Variants in SLC15A5 observed in about 807,000 individuals in gnomAD.
SLC15A5 encodes solute carrier family 15 member 5, also known as Peptide/histidine transporter ENSP00000340402.
SLC15A5 carries 58 observed loss-of-function variants against 56.1 expected under a neutral mutation model. That is an observed-to-expected ratio of 1.03 (90% confidence interval 0.84 to 1.29). The LOEUF is 1.29. SLC15A5 is among the 50% of genes most tolerant of loss of function. SLC15A5 has a pLI of 0.00. For missense variants in SLC15A5, 681 were observed against 672.1 expected, an observed-to-expected ratio of 1.01 and a Z score of -0.15; for synonymous variants, 264 against 250.5, an observed-to-expected ratio of 1.05 and a Z score of -0.51.
At chr12:16,261,608 G>A (rs1420933168) in intron 2 of SLC15A5, among the ~76,000 whole-genome samples, 1 of 151,976 alleles carries the variant, frequency 6.6e-6, no homozygotes. Context: ...GTAATGGCTG[G>A]GTGATATGAT....
rs1000408803 is a variant in SLC15A5, at chr12:16,269,421, C to G, written c.584+3140G>C. Among the ~76,000 whole-genome samples, 7 of 152,044 alleles carry G rather than the reference C, an allele frequency of 4.6e-5. No homozygotes were observed. The highest frequency in any genetic ancestry group is 1.7e-4 in the African/African-American group (7 of 41,398). On this transcript the variant is annotated intron_variant, in intron 2 of 8. Transcript: ENST00000344941. The surrounding 1 kb of genome is among the most constrained non-coding windows in gnomAD (Gnocchi z 4.7). ...TAATCAGAATCTTTGGTGGCAGGAC[C>G]CAGGCATTTGTACTTTTTAAAAAAG... is the stretch of plus-strand genomic sequence containing the variant.
At chr12:16,211,517 T>C (rs1250030431) in intron 7 of SLC15A5, among the ~76,000 whole-genome samples, 1 of 152,188 alleles carries the variant, frequency 6.6e-6, no homozygotes, top group African/African-American at 2.4e-5. Context: ...TTCTTAAATA[T>C]TTTGCTTCGG....
intron 3 of SLC15A5, among the ~76,000 whole-genome samples, chr12:16,249,078 C>G (rs927856895): frequency 2.0e-5 from 3 of 151,940 alleles, no homozygotes; most frequent in African/African-American, 7.3e-5. Context: ...TCATGAATAT[C>G]TATGCTACTT....
At chr12:16,273,270 C>T (rs1864780110) in intron 1 of SLC15A5, among the ~76,000 whole-genome samples, 2 of 151,778 alleles carry the variant, frequency 1.3e-5, no homozygotes, top group Admixed American at 6.6e-5. Flanking sequence ...GAGAACACAG[C>T]CTTTTTTTTT....
intron 3 of SLC15A5, among the ~76,000 whole-genome samples, chr12:16,245,665 T>TC (rs1289692195): frequency 1.3e-5 from 2 of 151,964 alleles, no homozygotes; most frequent in East Asian, 3.9e-4. Flanking sequence ...ACCAGATAAA[T>TC]CCCCCCAGAA....
At chr12:16,252,179 T>G (rs954620737) in intron 3 of SLC15A5, among the ~76,000 whole-genome samples, 3 of 152,012 alleles carry the variant, frequency 2.0e-5, no homozygotes, top group Non-Finnish European at 1.5e-5. Context: ...ATAAAAGTCA[T>G]ATATGAATAT....
intron 6 of SLC15A5, among the ~76,000 whole-genome samples, chr12:16,221,432 G>C (rs892338650): frequency 2.6e-5 from 4 of 152,156 alleles, no homozygotes; most frequent in Non-Finnish European, 5.9e-5. Flanking sequence ...GAAAACAGAG[G>C]AAAGGGAATT....
chr12:16,224,974 G>A (rs537579879), intron 5 of SLC15A5, among the ~76,000 whole-genome samples: 110 of 149,122 alleles, frequency 7.4e-4, no homozygotes, highest in African/African-American at 2.5e-3. Flanking sequence ...GAGAACATGC[G>A]GTGTTTGGTT....
intron 2 of SLC15A5, among the ~76,000 whole-genome samples, chr12:16,260,679 AT>A (rs887123178): frequency 6.6e-6 from 1 of 151,708 alleles, no homozygotes; most frequent in African/African-American, 2.4e-5. Flanking sequence ...TAGTCTATCA[AT>A]TTTTATCTTT....
At chr12:16,232,933 G>C (rs1165373652) in intron 5 of SLC15A5, among the ~76,000 whole-genome samples, 2 of 139,986 alleles carry the variant, frequency 1.4e-5, no homozygotes, top group Non-Finnish European at 3.1e-5. Flanking sequence ...AAAAAAGAAA[G>C]AGAGAGAGAG....
At chr12:16,224,335 T>A in intron 6 of SLC15A5, 79 bp downstream of exon 6, 2 of 1,347,722 alleles carry the variant, frequency 1.5e-6, no homozygotes, top group Non-Finnish European at 2.0e-6. Flanking sequence ...CATACCACTT[T>A]AATTGTTCTG....
chr12:16,238,432 C>CA, intron 5 of SLC15A5, among the ~76,000 whole-genome samples: 1 of 151,914 alleles, frequency 6.6e-6, no homozygotes, highest in Admixed American at 6.6e-5. Flanking sequence ...TTGAGACCAT[C>CA]CTGGCTTACA....
rs1864346139 is a variant in SLC15A5 at position 16,235,649 on chromosome 12, A to C, written c.1162+4032T>G. Among the ~76,000 whole-genome samples the C allele has an allele frequency of 6.6e-6, 1 of 152,120 alleles. No homozygotes were observed. The highest frequency in any genetic ancestry group is 2.4e-5 in the African/African-American group (1 of 41,458). ...GCTAGATGTTTACAATTCATGGTTT[A>C]CTTCTTTTGGTGTTTACGCAGTTCC... On this transcript the variant is annotated intron_variant, in intron 5 of 8. Transcript: ENST00000344941. The surrounding 1 kb of genome is among the most constrained non-coding windows in gnomAD (Gnocchi z 4.1).
At chr12:16,265,757 A>G (rs1200651114) in intron 2 of SLC15A5, among the ~76,000 whole-genome samples, 1 of 152,222 alleles carries the variant, frequency 6.6e-6, no homozygotes, top group Non-Finnish European at 1.5e-5. Context: ...TGCTGGGACT[A>G]GAAACATGAG....
chr12:16,229,095 C>G (rs1309217078), intron 5 of SLC15A5, among the ~76,000 whole-genome samples: 2 of 152,214 alleles, frequency 1.3e-5, no homozygotes, highest in African/African-American at 4.8e-5. Flanking sequence ...CTTCTTGTTT[C>G]CACTCTTGTC....
intron 3 of SLC15A5, among the ~76,000 whole-genome samples, chr12:16,252,210 C>T (rs778861840): frequency 3.3e-5 from 5 of 151,910 alleles, no homozygotes; most frequent in African/African-American, 7.2e-5. Context: ...ACATCATACT[C>T]AATGGGAAAG....
intron 3 of SLC15A5, among the ~76,000 whole-genome samples, chr12:16,246,503 C>G (rs899388863): frequency 6.6e-5 from 10 of 152,132 alleles, no homozygotes; most frequent in Non-Finnish European, 1.5e-4. Flanking sequence ...AATCTTGTCT[C>G]TATTACTCAT....
intron 6 of SLC15A5, among the ~76,000 whole-genome samples, chr12:16,223,247 T>G (rs1591646957): frequency 1.3e-5 from 2 of 152,230 alleles, no homozygotes; most frequent in East Asian, 3.9e-4. Flanking sequence ...TTTAGGATGA[T>G]TACTCTAAAA....
chr12:16,189,817 T>TA lies in SLC15A5; in HGVS notation c.1593-3dup. The TA allele has an allele frequency of 6.8e-7, 1 of 1,476,654 alleles. No homozygotes were observed. Among genetic ancestry groups the TA allele is most frequent in the Non-Finnish European group, 8.9e-7 (1 of 1,118,676 alleles). The allele number at this position is 1,476,654 out of a possible 1,614,324, so 91.5% of individuals were successfully genotyped here. ...TTAAAATGATTTAGATTACAATATC[T>TA]AAAAAAGAAAGAAAGAAAGCTTTTC... On this transcript the variant is annotated splice_region_variant and splice_polypyrimidine_tract_variant and intron_variant, in intron 8 of 8. Coordinates refer to ENST00000344941, the MANE Select transcript of SLC15A5 (RefSeq NM_001170798.1).
Sources: allele counts gnomAD v4.1 joint callset (sites outside exome capture counted in the v4.1 genomes callset), GRCh38; gene constraint gnomAD v4.1.1; non-coding constraint Gnocchi (gnomAD v3.1); transcripts MANE v1.5; gene names NCBI Gene and HGNC (gene_info 2026-07-23, HGNC 2026-07-21).